The following PLEKHA5 variants were observed in gnomAD, a reference collection of about 807,000 sequenced individuals.
The protein encoded by PLEKHA5 is pleckstrin homology domain containing A5, also known as pleckstrin homology domain-containing family A member 5.
A neutral mutation model predicts 181.9 loss-of-function variants in PLEKHA5; 55 were observed. The ratio of observed to expected loss-of-function variants is 0.30; its 90% CI spans 0.24 to 0.38. PLEKHA5 has a LOEUF of 0.38. PLEKHA5 is among the 10% of genes least tolerant of loss of function. PLEKHA5 has a pLI of 1.00. For missense variants in PLEKHA5, 1,432 were observed against 1,549.5 expected (o/e 0.92, Z 1.27); for synonymous variants, 535 against 529.4 (o/e 1.01, Z -0.15).
At chr12:19,175,468 A>G (rs7307273) in intron 3 of PLEKHA5, among the ~76,000 whole-genome samples, 135,119 of 152,180 alleles carry the variant, frequency 0.89, 60,839 homozygotes, top group Non-Finnish European at 0.97. Flanking sequence ...ATATTAAGAG[A>G]AAAAAAGCAA....
At chr12:19,256,707 T>C (rs1373338237) in intron 5 of PLEKHA5, among the ~76,000 whole-genome samples, 1 of 152,198 alleles carries the variant, frequency 6.6e-6, no homozygotes, top group Non-Finnish European at 1.5e-5. Flanking sequence ...TCTGAACAAG[T>C]AGAAAAGTAA....
chr12:19,273,654 T>G (rs2073717903), intron 10 of PLEKHA5, among the ~76,000 whole-genome samples: 1 of 152,174 alleles, frequency 6.6e-6, no homozygotes, highest in African/African-American at 2.4e-5. Context: ...GGGAAAGACC[T>G]AGATATGGCA....
At chr12:19,310,654 C>T (rs1251108872) in intron 15 of PLEKHA5, among the ~76,000 whole-genome samples, 32 of 148,946 alleles carry the variant, frequency 2.1e-4, no homozygotes, top group Admixed American at 2.0e-3. Context: ...CAGTAGCTCT[C>T]GCCTATAATC....
chr12:19,308,477 T>C (rs2084979081), intron 15 of PLEKHA5, among the ~76,000 whole-genome samples: 1 of 152,214 alleles, frequency 6.6e-6, no homozygotes, highest in Non-Finnish European at 1.5e-5. Flanking sequence ...CGTTTTACTA[T>C]TGGCGCTGCT....
rs1454115574 is a variant in PLEKHA5 at position 19,274,671 on chromosome 12, G to C, written c.1001G>C (p.Gly334Ala). The C allele has an allele frequency of 1.1e-5, 18 of 1,613,794 alleles. No homozygotes were observed. The highest frequency in any genetic ancestry group is 1.4e-5 in the Non-Finnish European group (17 of 1,179,830). The change falls in exon 11 of 32, where the codon GGA (glycine) becomes GCA (alanine). Residue 334 changes from glycine to alanine, a missense_variant. Physicochemically the swap from Gly to Ala is moderately conservative, Grantham distance 60. Around this residue, in one of 2 missense-constraint regions of PLEKHA5, gnomAD observed 1,143 missense variants for 1,168.4 expected, o/e 0.98. Coordinates refer to ENST00000429027, the MANE Select transcript of PLEKHA5 (RefSeq NM_001256470.2). ...EKKALEAEKY[G>A]FQKDGQDRPL... The stretch of plus-strand genomic sequence containing the variant: ...AAGGCATTAGAAGCTGAAAAATATG[G>C]ATTTCAGAAGGATGGTCAAGATAGA...
At chr12:19,171,702 A>C (rs10841167) in intron 3 of PLEKHA5, among the ~76,000 whole-genome samples, 83,810 of 152,100 alleles carry the variant, frequency 0.55, 26,984 homozygotes, top group Non-Finnish European at 0.74. Context: ...AAAATTCTTG[A>C]CTCTTGTAAT....
chr12:19,134,757 C>G (rs930552497), intron 3 of PLEKHA5, among the ~76,000 whole-genome samples: 6 of 152,046 alleles, frequency 3.9e-5, no homozygotes, highest in Non-Finnish European at 5.9e-5. Flanking sequence ...CATTGTCACA[C>G]ACATAATAAA....
At position 19,210,788 on chromosome 12, in the gene PLEKHA5, A is replaced by G. The variant is rs530710689; in HGVS notation, c.228-43152A>G. ...GATTACTAAGGTTAATAAGAAGTAG[A>G]AATTATAGAGCAAAGGATGTGAATG... On this transcript the variant is annotated intron_variant, in intron 3 of 31. Coordinates refer to ENST00000429027, the MANE Select transcript of PLEKHA5 (RefSeq NM_001256470.2). Among the ~76,000 whole-genome samples, 691 of 152,314 alleles carry G rather than the reference A, an allele frequency of 4.5e-3. 5 individuals carry two copies. The highest frequency in any genetic ancestry group is 0.014 in the African/African-American group (581 of 41,574).
rs909078866 is a variant in PLEKHA5 at position 19,230,707 on chromosome 12, C to T, written c.228-23233C>T. Among the ~76,000 whole-genome samples, 21 of 152,106 alleles carry T rather than the reference C, an allele frequency of 1.4e-4. 1 individual carries two copies. Among genetic ancestry groups the T allele is most frequent in the Non-Finnish European group, 2.5e-4 (17 of 68,024 alleles). ...AACTTGCGCTGGCCCACAAGCGCTA[C>T]GTGCACCCCGGTTCCCACCGGCACC... On this transcript the variant is annotated intron_variant, in intron 3 of 31. Coordinates refer to ENST00000429027, the MANE Select transcript of PLEKHA5 (RefSeq NM_001256470.2).
At chr12:19,352,951 T>G (rs2153223380) in intron 25 of PLEKHA5, among the ~76,000 whole-genome samples, 1 of 151,160 alleles carries the variant, frequency 6.6e-6, no homozygotes, top group East Asian at 1.9e-4. Context: ...CCCAGCTTTT[T>G]TTTTTTTTTC....
At chr12:19,152,702 C>G (rs1209117324) in intron 3 of PLEKHA5, 2 of 151,982 alleles carry the variant, frequency 1.3e-5, no homozygotes, top group Non-Finnish European at 2.9e-5. Flanking sequence ...ATTTGTCAGA[C>G]ATAAGGGAAA....
chr12:19,131,956 C>G (rs1054108581), intron 2 of PLEKHA5, among the ~76,000 whole-genome samples: 1 of 152,170 alleles, frequency 6.6e-6, no homozygotes, highest in Non-Finnish European at 1.5e-5. Context: ...TTTTTGGTGA[C>G]ACTTCCTAGA....
At chr12:19,330,444 A>G (rs1360185110) in intron 20 of PLEKHA5, among the ~76,000 whole-genome samples, 1 of 152,152 alleles carries the variant, frequency 6.6e-6, no homozygotes, top group African/African-American at 2.4e-5. Context: ...AAATAATAAT[A>G]AAACGTAAAC....
chr12:19,270,205 G>A lies in PLEKHA5; in HGVS notation c.845G>A (p.Arg282Gln), dbSNP rs1034253019. Residue 282 changes from arginine (R) to glutamine (Q), a missense_variant and splice_region_variant, in exon 10 of 32, where the codon CGA becomes CAA. By Grantham distance (43) the Arg-to-Gln change is conservative. Transcript: ENST00000429027. ...TCTTACAGAATTACCTTTAATTTCCGGTGAGTACGTTTTTAATTGTTACCT... is the reference window on the plus strand; with the variant it reads ...TCTTACAGAATTACCTTTAATTTCCAGTGAGTACGTTTTTAATTGTTACCT... ...EPVKRITFNF[R>Q]VDKITSENAP... is the part of the protein sequence containing the mutation. 24 of 1,448,548 alleles carry A rather than the reference G, an allele frequency of 1.7e-5. No individual in the cohort carries two copies. In the Admixed American group the frequency reaches 2.2e-4, roughly 13 times the overall value. 89.7% of individuals were successfully genotyped at this position (1,448,548 alleles called of 1,614,324 possible). A position where few individuals can be genotyped will look rare whatever the true frequency, so the allele number is the denominator to read the frequency against.
At chr12:19,167,361 G>C (rs1326785526) in intron 3 of PLEKHA5, among the ~76,000 whole-genome samples, 2 of 148,450 alleles carry the variant, frequency 1.3e-5, no homozygotes, top group East Asian at 3.9e-4. Flanking sequence ...TTTAATGTTG[G>C]CATCATACTT....
At chr12:19,147,003 A>G (rs1387407979) in intron 3 of PLEKHA5, 3 of 152,214 alleles carry the variant, frequency 2.0e-5, no homozygotes, top group Admixed American at 2.0e-4. Flanking sequence ...AAAACTGTGA[A>G]ACATTACATA....
At chr12:19,302,389 T>C (rs941739556) in intron 15 of PLEKHA5, among the ~76,000 whole-genome samples, 4 of 152,336 alleles carry the variant, frequency 2.6e-5, no homozygotes, top group Non-Finnish European at 5.9e-5. Context: ...TGCAAATGAC[T>C]TGCAGATCAT....
At chr12:19,159,153 C>T (rs2042410366) in intron 3 of PLEKHA5, among the ~76,000 whole-genome samples, 1 of 152,166 alleles carries the variant, frequency 6.6e-6, no homozygotes, top group African/African-American at 2.4e-5. Flanking sequence ...TAAAACACAG[C>T]TGGGAATGAA....
intron 3 of PLEKHA5, among the ~76,000 whole-genome samples, chr12:19,172,397 G>A (rs1283819513): frequency 6.9e-6 from 1 of 145,328 alleles, no homozygotes; most frequent in Non-Finnish European, 1.5e-5. Flanking sequence ...ATCTGGCAAA[G>A]AAATCATATC....
Sources: gnomAD v4.1 joint callset for allele counts (sites outside exome capture counted in the v4.1 genomes callset) on GRCh38, gnomAD v4.1.1 for gene constraint, gnomAD v4.1.1 regional missense constraint, MANE v1.5 for transcripts, NCBI Gene and HGNC (gene_info 2026-07-23, HGNC 2026-07-21) for gene names.